The following CHPT1 variants were observed in gnomAD, a reference collection of about 807,000 sequenced individuals.
The protein encoded by CHPT1 is cholinephosphotransferase 1.
CHPT1 carries 36 observed loss-of-function variants against 47.6 expected under a neutral mutation model. That is an observed-to-expected ratio of 0.76 (90% CI 0.58 to 1.00). The LOEUF is 1.00. Among genes scored for constraint, CHPT1 ranks in the 50% least tolerant of loss-of-function variants. CHPT1 has a pLI of 0.00. For missense variants in CHPT1, 458 were observed against 498.1 expected (o/e 0.92, Z 0.77); for synonymous variants, 194 against 186.3 (o/e 1.04, Z -0.33).
chr12:101,717,652 G>A (rs1544920), intron 4 of CHPT1, among the ~76,000 whole-genome samples: 14,962 of 151,988 alleles, frequency 0.098, 877 homozygotes, highest in Middle Eastern at 0.2. Context: ...CTGGAGCTAG[G>A]AATTAAACAG....
In CHPT1 at chr12:101,723,719, T is replaced by C. The variant is rs1445772811; in HGVS notation, c.940-3T>C. The C allele has an allele frequency of 6.6e-7, 1 of 1,509,758 alleles. No individual in the cohort carries two copies. Among genetic ancestry groups the C allele is most frequent in the Non-Finnish European group, 8.9e-7 (1 of 1,123,944 alleles). 93.5% of individuals were successfully genotyped at this position (1,509,758 alleles called of 1,614,324 possible). On this transcript the variant is annotated splice_polypyrimidine_tract_variant and splice_region_variant and intron_variant, in intron 6 of 8. Transcript: ENST00000229266. ...AAAATTATTTTGTTTAATTTTTTTATAGGTAGCTCACATGACCAAAAGTGA... is the reference window on the plus strand; with the variant it reads ...AAAATTATTTTGTTTAATTTTTTTACAGGTAGCTCACATGACCAAAAGTGA...
intron 6 of CHPT1, 90 bp downstream of exon 6, chr12:101,723,416 CT>C (rs1951889861): frequency 2.4e-6 from 2 of 820,100 alleles, no homozygotes; most frequent in Non-Finnish European, 3.7e-6. Flanking sequence ...TATAGGTTTT[CT>C]TTTGTAGTGT....
chr12:101,709,217 C>T (rs964765145), intron 1 of CHPT1, among the ~76,000 whole-genome samples: 1 of 146,296 alleles, frequency 6.8e-6, no homozygotes, highest in African/African-American at 2.5e-5. Flanking sequence ...GTAGCATAGC[C>T]AGATGCTGTC....
chr12:101,699,079 C>T (rs751617207), intron 1 of CHPT1, among the ~76,000 whole-genome samples: 1 of 152,172 alleles, frequency 6.6e-6, no homozygotes, highest in Non-Finnish European at 1.5e-5. Context: ...TCCATGCATG[C>T]ATCCATTTTG....
chr12:101,719,942 T>TAAA, intron 4 of CHPT1, 181 bp from the exon 5 acceptor site: 1 of 315,546 alleles, frequency 3.2e-6, no homozygotes, highest in South Asian at 8.0e-5. Flanking sequence ...ATTTAAAAAC[T>TAAA]AAAAAAAAAA....
intron 1 of CHPT1, among the ~76,000 whole-genome samples, chr12:101,711,383 G>A (rs939582272): frequency 1.3e-5 from 2 of 148,320 alleles, no homozygotes; most frequent in Non-Finnish European, 3.0e-5. Context: ...ACCACAACAT[G>A]GATGAGCCTG....
intron 7 of CHPT1, among the ~76,000 whole-genome samples, chr12:101,724,172 T>TCATGC (rs1951904533): frequency 6.7e-6 from 1 of 149,402 alleles, no homozygotes; most frequent in Admixed American, 6.7e-5. Context: ...TGAGCCGAGA[T>TCATGC]CATGCCACTG....
Position 101,714,121 on chromosome 12 carries a change from T to C in CHPT1, c.305T>C (p.Leu102Pro), listed in dbSNP as rs905296227. The C allele has an allele frequency of 1.2e-6, 2 of 1,609,914 alleles. No homozygotes were observed. The highest frequency in any genetic ancestry group is 2.7e-5 in the African/African-American group (2 of 74,820). ...APYWTYLLCA[L>P]GLFIYQSLDA... Reference sequence around the variant, plus strand: ...TACTGGACATACCTTTTATGTGCACTGGGACTTTTTATTTACCAGTCACTG... The same window carrying C: ...TACTGGACATACCTTTTATGTGCACCGGGACTTTTTATTTACCAGTCACTG... The change falls in exon 2 of 9, where the codon CTG (leucine) becomes CCG (proline). Residue 102 changes from leucine to proline, a missense_variant. Transcript: ENST00000229266.
At chr12:101,716,178 A>G (rs1951760827) in intron 3 of CHPT1, among the ~76,000 whole-genome samples, 1 of 152,096 alleles carries the variant, frequency 6.6e-6, no homozygotes, top group Non-Finnish European at 1.5e-5. Context: ...ACTGATGCTG[A>G]TTGGTTAGTG....
chr12:101,715,481 C>T (rs1354442311), intron 3 of CHPT1, among the ~76,000 whole-genome samples: 1 of 151,928 alleles, frequency 6.6e-6, no homozygotes, highest in East Asian at 1.9e-4. Context: ...TTGTATTTAC[C>T]ACCTATCGAG....
chr12:101,698,184 G>A (rs1382512807), intron 1 of CHPT1, 50 bp downstream of exon 1: 1 of 1,374,206 alleles, frequency 7.3e-7, no homozygotes, highest in Non-Finnish European at 9.4e-7. Flanking sequence ...CTGCGGGCGG[G>A]TCGCTGGAGG....
At chr12:101,698,746 TA>T (rs1242753242) in intron 1 of CHPT1, among the ~76,000 whole-genome samples, 2 of 152,104 alleles carry the variant, frequency 1.3e-5, no homozygotes, top group Non-Finnish European at 2.9e-5. Flanking sequence ...ACCTAGGGAT[TA>T]AAAAAACCCC....
Position 101,723,306 on chromosome 12 carries a change from A to C in CHPT1, c.919A>C (p.Lys307Gln), listed in dbSNP as rs781493609. 6.3e-7 allele frequency: 1 copy of C among 1,596,020 alleles called. No homozygotes were observed. The highest frequency in any genetic ancestry group is 8.5e-7 in the Non-Finnish European group (1 of 1,173,068). ...YILMFGCVFA[K>Q]VSQKLVVAHM... ...CCTAATGTTTGGATGTGTCTTTGCT[A>C]AAGTCTCACAAAAATTAGTGGTAAG... is the stretch of plus-strand genomic sequence containing the variant. The change falls in exon 6 of 9, where the codon AAA becomes CAA. Residue 307 changes from lysine (K) to glutamine (Q), a missense_variant. Lys to Gln is a moderately conservative substitution (Grantham distance 53). Transcript: ENST00000229266.
At chr12:101,723,063 C>T (rs1951881446) in intron 5 of CHPT1, 105 bp from the exon 6 acceptor site, 1 of 1,006,864 alleles carries the variant, frequency 9.9e-7, no homozygotes, top group Non-Finnish European at 1.6e-6. Context: ...CACTACATCA[C>T]ACTGTTCTTT....
chr12:101,714,807 C>T (rs10860778), intron 3 of CHPT1, 162 bp downstream of exon 3: 242,213 of 523,792 alleles, frequency 0.46, 59,232 homozygotes, highest in East Asian at 0.7. Context: ...CTTTTAGGTA[C>T]TCTGCATGTT....
intron 1 of CHPT1, 64 bp downstream of exon 1, chr12:101,698,198 CGGG>C: frequency 7.3e-7 from 1 of 1,370,070 alleles, no homozygotes; most frequent in African/African-American, 1.5e-5. Flanking sequence ...CTGGAGGCGC[CGGG>C]GGAAGGGCGG....
At chr12:101,703,663 C>G (rs948571178) in intron 1 of CHPT1, among the ~76,000 whole-genome samples, 19 of 152,146 alleles carry the variant, frequency 1.2e-4, no homozygotes, top group African/African-American at 4.6e-4. Context: ...CTGGAGCCTC[C>G]CCAGGCCTCA....
intron 8 of CHPT1, chr12:101,728,366 G>A (rs1258724184): frequency 1.3e-5 from 2 of 153,542 alleles, no homozygotes; most frequent in Non-Finnish European, 2.9e-5. Context: ...ATGTCTTTGT[G>A]GCAATGACAT....
chr12:101,723,873 A>AT, intron 7 of CHPT1, 26 bp downstream of exon 7: 4 of 1,452,024 alleles, frequency 2.8e-6, no homozygotes, highest in East Asian at 2.3e-5. Flanking sequence ...CATTTTATTT[A>AT]TTTTTTAACA....
Sources: allele counts gnomAD v4.1 joint callset (sites outside exome capture counted in the v4.1 genomes callset), GRCh38; gene constraint gnomAD v4.1.1; transcripts MANE v1.5; gene names NCBI Gene and HGNC (gene_info 2026-07-23, HGNC 2026-07-21).